Variants in IL1RAPL1 observed in about 807,000 individuals in gnomAD.
IL1RAPL1 encodes interleukin 1 receptor accessory protein like 1, also known as interleukin-1 receptor accessory protein-like 1.
A neutral mutation model predicts 48.4 loss-of-function variants in IL1RAPL1; 3 were observed. The ratio of observed to expected loss-of-function variants is 0.06; its 90% confidence interval spans 0.03 to 0.16. The LOEUF is 0.16. Ranked by LOEUF, IL1RAPL1 falls within the 10% of genes least tolerant of loss-of-function variation. The pLI is 1.00. For synonymous variants in IL1RAPL1, 185 were observed against 187.7 expected (o/e 0.99, Z 0.12); for missense variants, 349 against 530.6 (o/e 0.66, Z 3.36).
chrX:28,829,848 G>GT (rs1476039134), intron 2 of IL1RAPL1, among the ~76,000 whole-genome samples: 2 of 110,542 alleles, frequency 1.8e-5, no homozygotes, highest in Non-Finnish European at 3.8e-5. Context: ...GTGAGCCACC[G>GT]TGCCCGGCCT....
intron 2 of IL1RAPL1, among the ~76,000 whole-genome samples, chrX:29,148,074 G>A (rs1353266648): frequency 2.7e-5 from 3 of 111,525 alleles, no homozygotes; most frequent in Non-Finnish European, 5.7e-5. Flanking sequence ...ATATATAAAT[G>A]TACATATATC....
At chrX:29,155,144 A>T (rs1308620836) in intron 2 of IL1RAPL1, among the ~76,000 whole-genome samples, 1 of 110,142 alleles carries the variant, frequency 9.1e-6, no homozygotes, top group African/African-American at 3.3e-5. Context: ...AGTAGCTGGG[A>T]TTACAGGCAC....
chrX:29,175,200 C>T (rs1929990903), intron 2 of IL1RAPL1, among the ~76,000 whole-genome samples: 1 of 111,005 alleles, frequency 9.0e-6, no homozygotes, highest in Non-Finnish European at 1.9e-5. Context: ...GTTTAAAATA[C>T]TCTAGCATAA....
intron 5 of IL1RAPL1, among the ~76,000 whole-genome samples, chrX:29,432,787 C>T (rs1436809642): frequency 2.7e-5 from 3 of 111,611 alleles, no homozygotes; most frequent in African/African-American, 6.5e-5. Context: ...TAATACTTCT[C>T]CTTCTACTTT....
At chrX:29,287,849 G>C (rs1183795021) in intron 3 of IL1RAPL1, among the ~76,000 whole-genome samples, 1 of 111,351 alleles carries the variant, frequency 9.0e-6, no homozygotes, top group Non-Finnish European at 1.9e-5. Context: ...ACTGCCTGTA[G>C]GTTATCTTTT....
chrX:28,718,064 T>C (rs1424088895), intron 1 of IL1RAPL1, among the ~76,000 whole-genome samples: 1 of 111,576 alleles, frequency 9.0e-6, no homozygotes, highest in Non-Finnish European at 1.9e-5. Context: ...TATGCAATAC[T>C]TTTTCATTAG....
At chrX:29,742,844 G>A (rs1011870312) in intron 6 of IL1RAPL1, among the ~76,000 whole-genome samples, 1 of 110,985 alleles carries the variant, frequency 9.0e-6, no homozygotes, top group African/African-American at 3.3e-5. Context: ...CATTTTTCCC[G>A]TCTTTCCGGA....
chrX:29,646,079 T>G (rs761443477), intron 5 of IL1RAPL1, among the ~76,000 whole-genome samples: 13 of 111,416 alleles, frequency 1.2e-4, no homozygotes, highest in Non-Finnish European at 2.1e-4. Flanking sequence ...ATAGACAAAA[T>G]AAGGTGCCAT....
At chrX:28,776,949 A>G (rs895625812) in intron 1 of IL1RAPL1, among the ~76,000 whole-genome samples, 2 of 112,267 alleles carry the variant, frequency 1.8e-5, no homozygotes, top group Admixed American at 9.5e-5. Context: ...ATAAACAAAA[A>G]TATTCCTGTT....
chrX:28,889,260 G>A (rs1329951776), intron 2 of IL1RAPL1, among the ~76,000 whole-genome samples: 1 of 111,213 alleles, frequency 9.0e-6, no homozygotes, highest in African/African-American at 3.3e-5. Context: ...TGCATAAAGA[G>A]CATATTATTA....
At chrX:29,922,425 C>T (rs151015039) in intron 8 of IL1RAPL1, among the ~76,000 whole-genome samples, 2,802 of 111,127 alleles carry the variant, frequency 0.025, 84 homozygotes, top group African/African-American at 0.087. Flanking sequence ...ATTAACAAGC[C>T]AAAAAAAGGT....
intron 5 of IL1RAPL1, among the ~76,000 whole-genome samples, chrX:29,423,517 C>T (rs987717624): frequency 1.3e-4 from 14 of 111,848 alleles, no homozygotes; most frequent in East Asian, 5.7e-4. Flanking sequence ...CTGGTGTCAA[C>T]GCCAGAATAG....
intron 5 of IL1RAPL1, among the ~76,000 whole-genome samples, chrX:29,660,421 T>G (rs1174924147): frequency 8.9e-6 from 1 of 112,332 alleles, no homozygotes; most frequent in Non-Finnish European, 1.9e-5. Context: ...CTCAGAGCAA[T>G]GTCCCCTAGC....
chrX:29,442,987 TTA>T (rs1220477932), intron 5 of IL1RAPL1, among the ~76,000 whole-genome samples: 2 of 111,771 alleles, frequency 1.8e-5, no homozygotes, highest in African/African-American at 3.2e-5. Context: ...TTCAAAAATT[TTA>T]TCTTTTACTT....
At chrX:29,908,967 T>C (rs1178989248) in intron 6 of IL1RAPL1, among the ~76,000 whole-genome samples, 1 of 111,931 alleles carries the variant, frequency 8.9e-6, no homozygotes, top group Non-Finnish European at 1.9e-5. Context: ...GTTCATACAC[T>C]CCTATAAACT....
At chrX:29,117,615 T>C (rs191753205) in intron 2 of IL1RAPL1, among the ~76,000 whole-genome samples, 2 of 112,098 alleles carry the variant, frequency 1.8e-5, no homozygotes, top group African/African-American at 3.2e-5. Flanking sequence ...ACAATTGACA[T>C]TTACCATTTT....
chrX:29,586,326 C>T (rs749849962), intron 5 of IL1RAPL1, among the ~76,000 whole-genome samples: 7 of 111,279 alleles, frequency 6.3e-5, no homozygotes, highest in East Asian at 5.6e-4. Flanking sequence ...TGTGTATTTT[C>T]GGTACTCCTG....
intron 5 of IL1RAPL1, among the ~76,000 whole-genome samples, chrX:29,602,954 A>T (rs755686919): frequency 8.9e-6 from 1 of 112,461 alleles, no homozygotes; most frequent in Non-Finnish European, 1.9e-5. Flanking sequence ...CAGTGGTTAT[A>T]ATCAAATTTT....
At chrX:29,013,902 T>G (rs1411400011) in intron 2 of IL1RAPL1, among the ~76,000 whole-genome samples, 1 of 111,484 alleles carries the variant, frequency 9.0e-6, no homozygotes, top group Non-Finnish European at 1.9e-5. Context: ...AAAAGCAGAT[T>G]AGTCGAGAGA....
Sources: allele counts gnomAD v4.1 joint callset (sites outside exome capture counted in the v4.1 genomes callset), GRCh38; gene constraint gnomAD v4.1.1; transcripts MANE v1.5; gene names NCBI Gene and HGNC (gene_info 2026-07-23, HGNC 2026-07-21).